Variants in KSR2 observed in about 807,000 individuals in gnomAD.
KSR2 encodes the protein kinase suppressor of ras 2.
Under a neutral mutation model 107.8 loss-of-function variants are expected in KSR2, and 25 were observed. The observed-to-expected ratio is 0.23, with a 90% confidence interval of 0.17 to 0.32. The LOEUF (loss-of-function observed/expected upper bound fraction) is 0.32, where lower values mean the gene tolerates loss of function less well. Among genes scored for constraint, KSR2 ranks in the 10% least tolerant of loss-of-function variants. KSR2 has a pLI of 1.00. For synonymous variants in KSR2, 480 were observed against 507.0 expected (o/e 0.95, Z 0.71); for missense variants, 887 against 1,268.9 (o/e 0.70, Z 4.57).
chr12:117,513,716 G>A (rs1277906593), intron 14 of KSR2, among the ~76,000 whole-genome samples: 1 of 152,212 alleles, frequency 6.6e-6, no homozygotes, highest in African/African-American at 2.4e-5. Flanking sequence ...ATGGACTCAG[G>A]CACGGCTAGA....
At chr12:117,816,645 C>T (rs1293535193) in intron 3 of KSR2, among the ~76,000 whole-genome samples, 3 of 152,172 alleles carry the variant, frequency 2.0e-5, no homozygotes, top group Non-Finnish European at 4.4e-5. Flanking sequence ...CATCACTTTC[C>T]TCTAGAAACC....
At chr12:117,771,297 G>A (rs1370776045) in intron 3 of KSR2, among the ~76,000 whole-genome samples, 1 of 152,122 alleles carries the variant, frequency 6.6e-6, no homozygotes, top group Non-Finnish European at 1.5e-5. Context: ...GAATGCAATC[G>A]TTTGTCTCTC....
intron 5 of KSR2, among the ~76,000 whole-genome samples, chr12:117,614,888 T>G (rs533487433): frequency 5.3e-5 from 8 of 152,306 alleles, no homozygotes; most frequent in African/African-American, 1.9e-4. Flanking sequence ...TTGCTCCCTG[T>G]TTTTTGTCCT....
At chr12:117,469,843 G>C (rs1238283125) in intron 18 of KSR2, 48 bp from the exon 19 acceptor site, 3 of 1,599,962 alleles carry the variant, frequency 1.9e-6, no homozygotes, top group Admixed American at 3.4e-5. Flanking sequence ...GTGATTTCTT[G>C]ATTACTCTTT....
chr12:117,772,234 ACG>A (rs1889500973), intron 3 of KSR2, among the ~76,000 whole-genome samples: 1 of 125,148 alleles, frequency 8.0e-6, no homozygotes, highest in Non-Finnish European at 1.6e-5. Flanking sequence ...ATTCCCCCAG[ACG>A]CACAAACACT....
intron 3 of KSR2, among the ~76,000 whole-genome samples, chr12:117,765,797 G>C (rs937620996): frequency 6.6e-6 from 1 of 152,154 alleles, no homozygotes; most frequent in Non-Finnish European, 1.5e-5. Flanking sequence ...GTGGGCATTT[G>C]AGCAGATATC....
chr12:117,763,327 T>TA lies in KSR2; in HGVS notation c.473-1804dup, dbSNP rs34345104. On this transcript the variant is annotated intron_variant, in intron 3 of 19. Transcript: ENST00000339824. ...TGGGTTGGTTCCAAGTCTTTGCTATTAAAAAAAAAAAATCTAAAAATCTAA... is the reference window on the plus strand; with the variant it reads ...TGGGTTGGTTCCAAGTCTTTGCTATTAAAAAAAAAAAAATCTAAAAATCTAA... Among the ~76,000 whole-genome samples, 545 of 149,624 alleles carry TA rather than the reference T, an allele frequency of 3.6e-3. 6 individuals are homozygous for TA. The highest frequency in any genetic ancestry group is 8.5e-3 in the African/African-American group (346 of 40,840).
intron 14 of KSR2, among the ~76,000 whole-genome samples, chr12:117,502,157 C>T (rs1388332965): frequency 6.6e-6 from 1 of 152,228 alleles, no homozygotes; most frequent in Non-Finnish European, 1.5e-5. Flanking sequence ...ATGTCTGCGT[C>T]TGTGACTATT....
At chr12:117,749,204 A>G (rs1888527573) in intron 4 of KSR2, among the ~76,000 whole-genome samples, 1 of 150,786 alleles carries the variant, frequency 6.6e-6, no homozygotes, top group Non-Finnish European at 1.5e-5. Flanking sequence ...GTGTGTACAG[A>G]AACTGCCTGC....
intron 14 of KSR2, among the ~76,000 whole-genome samples, chr12:117,496,656 T>C (rs1873043224): frequency 6.6e-6 from 1 of 152,172 alleles, no homozygotes; most frequent in African/African-American, 2.4e-5. Flanking sequence ...CTAGAATCCC[T>C]AGCCCCAGGT....
At chr12:117,750,897 C>T (rs1044417161) in intron 4 of KSR2, among the ~76,000 whole-genome samples, 26 of 152,184 alleles carry the variant, frequency 1.7e-4, no homozygotes, top group African/African-American at 5.8e-4. Flanking sequence ...TTTCTTTATC[C>T]GATCCACCAT....
intron 1 of KSR2, among the ~76,000 whole-genome samples, chr12:117,947,260 G>GAA (rs1896230602): frequency 1.4e-5 from 1 of 70,888 alleles, no homozygotes; most frequent in South Asian, 5.3e-4. Context: ...AAAGAAAGAA[G>GAA]ATAAACCACA....
intron 5 of KSR2, among the ~76,000 whole-genome samples, chr12:117,582,846 T>C (rs1462329705): frequency 1.3e-5 from 2 of 152,168 alleles, no homozygotes; most frequent in African/African-American, 2.4e-5. Flanking sequence ...TGCCCTTGCA[T>C]GAAAGTTAGA....
At chr12:117,541,013 C>T (rs748782456) in intron 9 of KSR2, among the ~76,000 whole-genome samples, 2 of 152,204 alleles carry the variant, frequency 1.3e-5, no homozygotes, top group South Asian at 2.1e-4. Context: ...TTCCATTCCT[C>T]GGTTTTGTCC....
At chr12:117,609,054 T>C (rs1881450070) in intron 5 of KSR2, among the ~76,000 whole-genome samples, 1 of 152,082 alleles carries the variant, frequency 6.6e-6, no homozygotes, top group South Asian at 2.1e-4. Flanking sequence ...TCTCCACTTC[T>C]CACCTTGGCC....
chr12:117,462,086 G>A lies in KSR2; in HGVS notation c.*5113C>T, dbSNP rs187044458. On this transcript the variant is annotated 3_prime_UTR_variant, in exon 20 of 20. Coordinates refer to ENST00000339824, the MANE Select transcript of KSR2 (RefSeq NM_173598.6). ...TGATGGGACGTGTTGATTGGGGCAA[G>A]CTTGGTAAGCATGACAGCAACAGCC... 2 of 152,146 alleles carry A rather than the reference G, an allele frequency of 1.3e-5. No homozygotes were observed. The highest frequency in any genetic ancestry group is 2.4e-5 in the African/African-American group (1 of 41,498). 9.4% of individuals were successfully genotyped at this position (152,146 alleles called of 1,614,324 possible). A position where few individuals can be genotyped will look rare whatever the true frequency, so the allele number is the denominator to read the frequency against.
intron 4 of KSR2, among the ~76,000 whole-genome samples, chr12:117,702,865 T>A (rs1886380722): frequency 6.6e-6 from 1 of 152,182 alleles, no homozygotes; most frequent in African/African-American, 2.4e-5. Flanking sequence ...CAGAATGAGA[T>A]CCTCCAGAGC....
intron 1 of KSR2, among the ~76,000 whole-genome samples, chr12:117,896,115 G>A (rs112781306): frequency 6.6e-6 from 1 of 152,188 alleles, no homozygotes; most frequent in East Asian, 1.9e-4. Context: ...AAAAGTAGAA[G>A]CAACCCAAAT....
At chr12:117,713,020 G>T (rs886879773) in intron 4 of KSR2, among the ~76,000 whole-genome samples, 2 of 149,630 alleles carry the variant, frequency 1.3e-5, no homozygotes, top group Non-Finnish European at 3.0e-5. Context: ...TATATAGAGA[G>T]AAATATGTAT....
Sources: gnomAD v4.1 joint callset for allele counts (sites outside exome capture counted in the v4.1 genomes callset) on GRCh38, gnomAD v4.1.1 for gene constraint, MANE v1.5 for transcripts, NCBI Gene and HGNC (gene_info 2026-07-23, HGNC 2026-07-21) for gene names.